The following PRDM16 variants were observed in gnomAD, a reference collection of about 807,000 sequenced individuals.
The protein encoded by PRDM16 is PR/SET domain 16.
PRDM16 carries 23 observed loss-of-function variants against 110.6 expected under a neutral mutation model. That is an observed-to-expected ratio of 0.21 (90% CI 0.15 to 0.29). The LOEUF is 0.29. Among genes scored for constraint, PRDM16 ranks in the 10% least tolerant of loss-of-function variants. The pLI is 1.00. For missense variants in PRDM16, 1,615 were observed against 1,794.3 expected, an observed-to-expected ratio of 0.90 and a Z score of 1.81; for synonymous variants, 799 against 781.8, an observed-to-expected ratio of 1.02 and a Z score of -0.37.
intron 1 of PRDM16, among the ~76,000 whole-genome samples, chr1:3,085,834 C>A (rs1642137344): frequency 6.6e-6 from 1 of 152,246 alleles, no homozygotes; most frequent in Non-Finnish European, 1.5e-5. Context: ...GCCTACAGGG[C>A]CCCAGATGGG....
chr1:3,346,521 G>A (rs996784896), intron 3 of PRDM16, among the ~76,000 whole-genome samples: 4 of 152,136 alleles, frequency 2.6e-5, no homozygotes, highest in Non-Finnish European at 2.9e-5. Context: ...TGGCCCTCCC[G>A]CCTCTCTGCT....
intron 11 of PRDM16, 96 bp downstream of exon 11, chr1:3,418,093 C>A: frequency 1.9e-6 from 2 of 1,052,966 alleles, no homozygotes; most frequent in Non-Finnish European, 2.8e-6. Flanking sequence ...AACTCAGAGT[C>A]CCGGCCATAG....
chr1:3,249,228 G>A (rs1367400837), intron 3 of PRDM16, among the ~76,000 whole-genome samples: 1 of 148,626 alleles, frequency 6.7e-6, no homozygotes, highest in Non-Finnish European at 1.5e-5. Flanking sequence ...GGAGTAGGGG[G>A]CAGGGGTAGG....
intron 3 of PRDM16, chr1:3,310,020 C>T (rs1570040878): frequency 6.6e-6 from 1 of 152,244 alleles, no homozygotes; most frequent in African/African-American, 2.4e-5. Flanking sequence ...CCGAGCCTTA[C>T]CCAGTGGGCA....
chr1:3,326,756 A>G (rs922992994), intron 3 of PRDM16, among the ~76,000 whole-genome samples: 1 of 152,156 alleles, frequency 6.6e-6, no homozygotes, highest in African/African-American at 2.4e-5. Flanking sequence ...GTCTCTCTGG[A>G]GCGTTCTGGC....
chr1:3,114,181 A>ACG lies in PRDM16; in HGVS notation c.37+44886_37+44887insGC, dbSNP rs1267757670. Among the ~76,000 whole-genome samples the ACG allele has an allele frequency of 7.8e-5, 10 of 127,934 alleles. No homozygotes were observed. In the South Asian group the frequency reaches 2.0e-3, roughly 26 times the overall value. The allele number at this position is 127,934 out of a possible 152,430, so 83.9% of individuals were successfully genotyped here. ...CACACACACGCACACACACGCACAC[A>ACG]CACGCACACACGCACACGCACGCAC... On this transcript the variant is annotated intron_variant, in intron 1 of 16. Coordinates refer to ENST00000270722, the MANE Select transcript of PRDM16 (RefSeq NM_022114.4).
Position 3,186,294 on chromosome 1 carries a change from G to A in PRDM16, c.207G>A (p.Glu69=). The change falls in exon 2 of 17, where the codon GAG becomes GAA. Residue 69 remains glutamate, a synonymous_variant. Coordinates refer to ENST00000270722, the MANE Select transcript of PRDM16 (RefSeq NM_022114.4). ...CCCCCAAGGAGGGCTCGCCGTACGA[G>A]GCCCCTGTCTACATTCCTGAAGACA... ...DFTPKEGSPY[E]APVYIPEDIP... 1 of 1,611,844 alleles carries A rather than the reference G, an allele frequency of 6.2e-7. No homozygotes were observed. The highest frequency in any genetic ancestry group is 2.2e-5 in the East Asian group (1 of 44,860).
At position 3,081,443 on chromosome 1, in the gene PRDM16, C is replaced by CT. The variant is rs1471465656; in HGVS notation, c.37+12149dup. Among the ~76,000 whole-genome samples the CT allele has an allele frequency of 3.9e-5, 6 of 152,204 alleles. No homozygotes were observed. Among genetic ancestry groups the CT allele is most frequent in the Admixed American group, 3.9e-4 (6 of 15,288 alleles). ...CGGCCGGCCCCTGGAGAGCCCCCTC[C>CT]TTGTCCCACCAGACCGAGCTGTGGC... On this transcript the variant is annotated intron_variant, in intron 1 of 16. Transcript: ENST00000270722. The surrounding 1 kb of genome is among the most constrained non-coding windows in gnomAD (Gnocchi z 4.6).
intron 2 of PRDM16, chr1:3,207,749 A>T (rs1264269951): frequency 6.6e-6 from 1 of 152,182 alleles, no homozygotes; most frequent in East Asian, 1.9e-4. Context: ...CCCTCTCTAG[A>T]GTCAGAATTA....
At chr1:3,182,393 G>C (rs79479599) in intron 1 of PRDM16, among the ~76,000 whole-genome samples, 2,044 of 152,304 alleles carry the variant, frequency 0.013, 83 homozygotes, top group East Asian at 0.11. Flanking sequence ...TTGGGCTCCT[G>C]TCCTGGCCGG....
intron 1 of PRDM16, among the ~76,000 whole-genome samples, chr1:3,167,129 C>A (rs1643966596): frequency 1.3e-5 from 2 of 152,178 alleles, no homozygotes; most frequent in African/African-American, 4.8e-5. Flanking sequence ...ATGGCTACTA[C>A]TACTACCACC....
chr1:3,082,363 C>T (rs989397621), intron 1 of PRDM16, among the ~76,000 whole-genome samples: 44 of 152,308 alleles, frequency 2.9e-4, no homozygotes, highest in East Asian at 1.9e-4. Context: ...AGAGGGGTAA[C>T]GGCCCATCTG....
chr1:3,222,528 G>A (rs751936288), intron 2 of PRDM16, among the ~76,000 whole-genome samples: 4 of 152,314 alleles, frequency 2.6e-5, no homozygotes, highest in African/African-American at 4.8e-5. Flanking sequence ...TGGAACCTGC[G>A]GGGCCCCTGC....
intron 3 of PRDM16, among the ~76,000 whole-genome samples, chr1:3,383,157 C>T (rs559352474): frequency 2.6e-5 from 4 of 152,322 alleles, no homozygotes; most frequent in Non-Finnish European, 5.9e-5. Context: ...CCACAGCCCA[C>T]GAGCTTGGGA....
chr1:3,112,031 T>A (rs981253391), intron 1 of PRDM16, among the ~76,000 whole-genome samples: 5 of 152,196 alleles, frequency 3.3e-5, no homozygotes, highest in Admixed American at 2.6e-4. Context: ...TGGGGGGCTG[T>A]GATTAAGATC....
At chr1:3,169,389 C>T (rs946994335) in intron 1 of PRDM16, among the ~76,000 whole-genome samples, 2 of 152,090 alleles carry the variant, frequency 1.3e-5, no homozygotes, top group Admixed American at 1.3e-4. Flanking sequence ...CCGTCCCTAG[C>T]GACTCTCCTC....
At chr1:3,103,707 G>T (rs539021990) in intron 1 of PRDM16, among the ~76,000 whole-genome samples, 22 of 152,238 alleles carry the variant, frequency 1.4e-4, no homozygotes, top group Admixed American at 1.2e-3. Context: ...CTGAGAAGCC[G>T]CATGAGCTTA....
chr1:3,165,321 T>C (rs1259195020), intron 1 of PRDM16, among the ~76,000 whole-genome samples: 4 of 103,666 alleles, frequency 3.9e-5, no homozygotes, highest in Admixed American at 9.5e-5. Context: ...AGGGTTGCAC[T>C]TGGCCTCAGG....
intron 1 of PRDM16, among the ~76,000 whole-genome samples, chr1:3,183,203 C>G (rs1487234305): frequency 6.6e-6 from 1 of 152,264 alleles, no homozygotes; most frequent in South Asian, 2.1e-4. Context: ...AAAAGATGCC[C>G]ACGTCCAGAA....
Sources: gnomAD v4.1 joint callset for allele counts (sites outside exome capture counted in the v4.1 genomes callset) on GRCh38, gnomAD v4.1.1 for gene constraint, Gnocchi (gnomAD v3.1) non-coding constraint, MANE v1.5 for transcripts, NCBI Gene and HGNC (gene_info 2026-07-23, HGNC 2026-07-21) for gene names.